The following PLXNA2 variants were observed in gnomAD, a reference collection of about 807,000 sequenced individuals.
PLXNA2 encodes plexin A2.
Under a neutral mutation model 193.5 loss-of-function variants are expected in PLXNA2, and 91 were observed. The observed-to-expected ratio is 0.47, with a 90% CI of 0.40 to 0.56. The LOEUF (loss-of-function observed/expected upper bound fraction) is 0.56, where lower values mean the gene tolerates loss of function less well. PLXNA2 is among the 20% of genes least tolerant of loss of function. PLXNA2 has a pLI of 0.00. For synonymous variants in PLXNA2, 997 were observed against 1,027.3 expected (o/e 0.97, Z 0.56); for missense variants, 1,995 against 2,503.2 (o/e 0.80, Z 4.33).
intron 4 of PLXNA2, among the ~76,000 whole-genome samples, chr1:208,104,590 C>T (rs1203365800): frequency 6.6e-6 from 1 of 152,130 alleles, no homozygotes; most frequent in African/African-American, 2.4e-5. Context: ...CCTGGAAAGA[C>T]ATGCCAATCT....
At chr1:208,084,310 A>G in intron 10 of PLXNA2, 70 bp downstream of exon 10, 1 of 1,525,874 alleles carries the variant, frequency 6.6e-7, no homozygotes, top group Non-Finnish European at 9.0e-7. Context: ...AGGGCTGGCC[A>G]TACTGAGGCC....
intron 22 of PLXNA2, among the ~76,000 whole-genome samples, chr1:208,040,581 C>A (rs1664831794): frequency 6.6e-6 from 1 of 152,176 alleles, no homozygotes; most frequent in Non-Finnish European, 1.5e-5. Flanking sequence ...GCTGTGTGAC[C>A]TTGGGCAAGT....
intron 3 of PLXNA2, 58 bp from the exon 4 acceptor site, chr1:208,142,521 C>G: frequency 6.7e-7 from 1 of 1,500,118 alleles, no homozygotes; most frequent in Non-Finnish European, 8.9e-7. Context: ...CTGTGGGCTA[C>G]CTGCCTCTGC....
intron 4 of PLXNA2, among the ~76,000 whole-genome samples, chr1:208,137,236 T>C (rs544736814): frequency 3.7e-4 from 56 of 152,328 alleles, no homozygotes; most frequent in African/African-American, 1.2e-3. Flanking sequence ...CCACTGTGAC[T>C]CCCTTTTTCC....
chr1:208,221,026 G>A (rs2102619996), intron 1 of PLXNA2, among the ~76,000 whole-genome samples: 1 of 152,286 alleles, frequency 6.6e-6, no homozygotes, highest in Middle Eastern at 3.4e-3. Flanking sequence ...GGAAACACAG[G>A]ATCCTGAGAG....
rs1386068395 is a variant in PLXNA2 at position 208,134,841 on chromosome 1, G to A, written c.1506+7488C>T. 2.6e-5 allele frequency among the ~76,000 whole-genome samples: 4 copies of A among 152,336 alleles called. No individual in the cohort carries two copies. The South Asian group carries it at 8.3e-4, about 32-fold the overall frequency. ...ATAAATGAGCAGGGGACATCTGGAAGTGTGACTCCCCACGTTTTTTCTTTC... is the reference window on the plus strand; with the variant it reads ...ATAAATGAGCAGGGGACATCTGGAAATGTGACTCCCCACGTTTTTTCTTTC... On this transcript the variant is annotated intron_variant, in intron 4 of 31. Coordinates refer to ENST00000367033, the MANE Select transcript of PLXNA2 (RefSeq NM_025179.4).
chr1:208,209,464 G>C (rs1417081039), intron 3 of PLXNA2, among the ~76,000 whole-genome samples: 6 of 152,206 alleles, frequency 3.9e-5, no homozygotes, highest in Admixed American at 3.9e-4. Flanking sequence ...GTAAGCTTGG[G>C]AAAAGGGATT....
At chr1:208,098,093 C>A (rs918063692) in intron 6 of PLXNA2, among the ~76,000 whole-genome samples, 3 of 152,150 alleles carry the variant, frequency 2.0e-5, no homozygotes, top group Non-Finnish European at 4.4e-5. Context: ...CTAACCTTTC[C>A]ATACATTTGT....
chr1:208,147,321 C>A (rs987971679), intron 3 of PLXNA2, among the ~76,000 whole-genome samples: 1 of 152,208 alleles, frequency 6.6e-6, no homozygotes, highest in Non-Finnish European at 1.5e-5. Context: ...CTATGCCCAG[C>A]CTAAACTCTG....
At position 208,046,216 on chromosome 1, in the gene PLXNA2, G is replaced by A. The variant is rs537025281; in HGVS notation, c.3256-99C>T. The A allele has an allele frequency of 1.5e-3, 2,140 of 1,401,516 alleles. 2 individuals carry two copies. Among genetic ancestry groups the A allele is most frequent in the Non-Finnish European group, 1.9e-3 (1,984 of 1,047,400 alleles). 86.8% of individuals were successfully genotyped at this position (1,401,516 alleles called of 1,614,324 possible). A position where few individuals can be genotyped will look rare whatever the true frequency, so the allele number is the denominator to read the frequency against. ...CACCCTCTCTCTGCTTTTGTGCCTC[G>A]TCACTGGGTTTACTTGCTTGTCTCC... On this transcript the variant is annotated intron_variant, in intron 17 of 31. Transcript: ENST00000367033.
In PLXNA2 at chr1:208,142,394, G is replaced by A. The variant is rs1412198490; in HGVS notation, c.1441C>T (p.Pro481Ser). ...GAGAAGGCCATGTCCCGGAGGATGG[G>A]GCTTCCGTCCTTGAGCACAGAGACC... is the stretch of plus-strand genomic sequence containing the variant. Reference protein sequence around the residue: ...EMVSVLKDGSPILRDMAFSID... With the variant: ...EMVSVLKDGSSILRDMAFSID... The change falls in exon 4 of 32, where the codon CCC (proline) becomes TCC (serine). Residue 481 changes from proline (P) to serine (S), a missense_variant. Physicochemically the swap from Pro to Ser is moderately conservative, Grantham distance 74 (BLOSUM62 -1). Around this residue, in one of 3 missense-constraint regions of PLXNA2, gnomAD observed 702 missense variants for 812.9 expected, o/e 0.86. Coordinates refer to ENST00000367033, the MANE Select transcript of PLXNA2 (RefSeq NM_025179.4). The A allele has an allele frequency of 4.3e-6, 7 of 1,613,968 alleles. No homozygotes were observed. Among genetic ancestry groups the A allele is most frequent in the Non-Finnish European group, 5.9e-6 (7 of 1,179,908 alleles).
At chr1:208,088,494 C>T (rs1437914324) in intron 9 of PLXNA2, among the ~76,000 whole-genome samples, 1 of 152,230 alleles carries the variant, frequency 6.6e-6, no homozygotes, top group Non-Finnish European at 1.5e-5. Flanking sequence ...TCTCACTAGG[C>T]CTGGCTTAGC....
chr1:208,190,530 G>T (rs1670145731), intron 3 of PLXNA2, among the ~76,000 whole-genome samples: 1 of 152,134 alleles, frequency 6.6e-6, no homozygotes, highest in Non-Finnish European at 1.5e-5. Flanking sequence ...CCTTGATCAG[G>T]GTTTGTCAAC....
chr1:208,032,056 CGG>C, intron 28 of PLXNA2: 1 of 985,288 alleles, frequency 1.0e-6, no homozygotes, highest in Non-Finnish European at 1.2e-6. Flanking sequence ...GCCCCGGGTC[CGG>C]GCTTCCCATG....
intron 13 of PLXNA2, 26 bp from the exon 14 acceptor site, chr1:208,054,564 G>A (rs972243469): frequency 4.6e-6 from 7 of 1,522,748 alleles, no homozygotes; most frequent in Admixed American, 1.7e-5. Context: ...ACCTTCTGGT[G>A]AGGGACTGGG....
chr1:208,153,767 G>C (rs185031129), intron 3 of PLXNA2, among the ~76,000 whole-genome samples: 1 of 152,338 alleles, frequency 6.6e-6, no homozygotes, highest in Non-Finnish European at 1.5e-5. Flanking sequence ...TCCATCCCTT[G>C]CAGTCCCCGG....
intron 1 of PLXNA2, among the ~76,000 whole-genome samples, chr1:208,240,006 CAA>C (rs1266833697): frequency 1.3e-5 from 2 of 152,188 alleles, no homozygotes; most frequent in African/African-American, 4.8e-5. Flanking sequence ...TTCTTTCACC[CAA>C]GAGAGAGACA....
chr1:208,083,375 C>T (rs532477926), intron 10 of PLXNA2, among the ~76,000 whole-genome samples: 14 of 152,276 alleles, frequency 9.2e-5, no homozygotes, highest in African/African-American at 2.9e-4. Context: ...ATGGAGACCT[C>T]GGGGCATCTT....
chr1:208,195,669 G>A (rs1670335692), intron 3 of PLXNA2, among the ~76,000 whole-genome samples: 1 of 150,426 alleles, frequency 6.6e-6, no homozygotes, highest in African/African-American at 2.5e-5. Context: ...GGGGTTAGGG[G>A]TGGGCAACAT....
Sources: gnomAD v4.1 joint callset for allele counts (sites outside exome capture counted in the v4.1 genomes callset) on GRCh38, gnomAD v4.1.1 for gene constraint, gnomAD v4.1.1 regional missense constraint, MANE v1.5 for transcripts, NCBI Gene and HGNC (gene_info 2026-07-23, HGNC 2026-07-21) for gene names.